PTPRD: variants seen among roughly 807,000 people sequenced by gnomAD.
The protein encoded by PTPRD is receptor-type tyrosine-protein phosphatase delta.
PTPRD carries 34 observed loss-of-function variants against 214.5 expected under a neutral mutation model. The observed-to-expected ratio is 0.16, with a 90% CI of 0.12 to 0.21. The LOEUF is 0.21. Among genes scored for constraint, PTPRD ranks in the 10% least tolerant of loss-of-function variants. The pLI is 1.00. For missense variants in PTPRD, 2,545 were observed against 2,398.7 expected (o/e 1.06, Z -1.27); for synonymous variants, 1,128 against 845.7 (o/e 1.33, Z -5.79).
At chr9:8,781,014 T>C (rs2095671134) in intron 11 of PTPRD, among the ~76,000 whole-genome samples, 2 of 152,142 alleles carry the variant, frequency 1.3e-5, no homozygotes, top group African/African-American at 4.8e-5. Context: ...GAAGAAATCT[T>C]CTCTTTAGGT....
intron 3 of PTPRD, among the ~76,000 whole-genome samples, chr9:10,279,742 G>T (rs1274100596): frequency 1.3e-5 from 2 of 151,452 alleles, no homozygotes. Context: ...CTGAGCGACA[G>T]TTAAAATGTC....
chr9:10,466,484 G>A (rs1328029549), intron 2 of PTPRD, among the ~76,000 whole-genome samples: 12 of 151,780 alleles, frequency 7.9e-5, no homozygotes, highest in African/African-American at 2.4e-4. Flanking sequence ...TTGACCAGGC[G>A]TGGTGGCGCA....
chr9:9,768,461 C>T (rs924421998), intron 5 of PTPRD, among the ~76,000 whole-genome samples: 3 of 152,092 alleles, frequency 2.0e-5, no homozygotes, highest in African/African-American at 7.2e-5. Flanking sequence ...AAAACCTTAG[C>T]TTATGTTTCA....
At chr9:9,788,839 A>C (rs1314373171) in intron 5 of PTPRD, among the ~76,000 whole-genome samples, 1 of 152,146 alleles carries the variant, frequency 6.6e-6, no homozygotes, top group Non-Finnish European at 1.5e-5. Flanking sequence ...AAGTGTTTAA[A>C]CAACTATCTA....
chr9:8,523,424 A>T, intron 19 of PTPRD, 89 bp downstream of exon 19: 1 of 1,453,690 alleles, frequency 6.9e-7, no homozygotes. Flanking sequence ...GAAGAACACA[A>T]TGCAGCTACA....
intron 11 of PTPRD, among the ~76,000 whole-genome samples, chr9:8,843,300 A>T (rs2097602817): frequency 6.6e-6 from 1 of 152,208 alleles, no homozygotes; most frequent in South Asian, 2.1e-4. Flanking sequence ...TCTGTTATCA[A>T]TTCACTTTCC....
chr9:9,523,297 T>C (rs980940972), intron 8 of PTPRD, among the ~76,000 whole-genome samples: 5 of 152,156 alleles, frequency 3.3e-5, no homozygotes, highest in Admixed American at 1.3e-4. Context: ...TCCTGTACAC[T>C]ATTGGAAAAA....
intron 4 of PTPRD, among the ~76,000 whole-genome samples, chr9:9,981,458 C>T (rs2095541008): frequency 6.6e-6 from 1 of 151,390 alleles, no homozygotes; most frequent in Admixed American, 6.6e-5. Flanking sequence ...GGGTTCAAGC[C>T]ATTCTCCTGC....
intron 33 of PTPRD, among the ~76,000 whole-genome samples, chr9:8,455,932 C>A (rs781144460): frequency 1.2e-4 from 19 of 152,048 alleles, no homozygotes; most frequent in Admixed American, 3.9e-4. Context: ...GTCAGCCTCA[C>A]CATACACCTG....
At chr9:8,628,780 T>C (rs1469389049) in intron 14 of PTPRD, among the ~76,000 whole-genome samples, 1 of 151,886 alleles carries the variant, frequency 6.6e-6, no homozygotes, top group South Asian at 2.1e-4. Context: ...ACAAATAATA[T>C]ATTTATATGT....
At chr9:9,677,403 G>T (rs548814533) in intron 7 of PTPRD, among the ~76,000 whole-genome samples, 1 of 152,174 alleles carries the variant, frequency 6.6e-6, no homozygotes, top group East Asian at 1.9e-4. Flanking sequence ...GGGATGCAAG[G>T]CTGGTTCAAC....
chr9:9,990,698 G>C (rs900348410), intron 4 of PTPRD, among the ~76,000 whole-genome samples: 7 of 152,316 alleles, frequency 4.6e-5, no homozygotes, highest in African/African-American at 1.7e-4. Flanking sequence ...CAGCCCTGTT[G>C]CATTGATTTT....
At chr9:10,607,740 A>G (rs1360545572) in intron 2 of PTPRD, among the ~76,000 whole-genome samples, 2 of 152,032 alleles carry the variant, frequency 1.3e-5, no homozygotes, top group Non-Finnish European at 2.9e-5. Flanking sequence ...ATTATAATGA[A>G]AAATAAATTA....
intron 44 of PTPRD, among the ~76,000 whole-genome samples, chr9:8,323,297 T>C (rs1376317677): frequency 6.6e-6 from 1 of 152,210 alleles, no homozygotes; most frequent in African/African-American, 2.4e-5. Context: ...GAACACAATA[T>C]TGATTCTGCA....
intron 7 of PTPRD, among the ~76,000 whole-genome samples, chr9:9,633,114 G>A (rs1372146551): frequency 5.9e-5 from 9 of 152,078 alleles, no homozygotes; most frequent in East Asian, 1.9e-4. Context: ...GGCCAACATG[G>A]TGAAATCCTG....
intron 11 of PTPRD, among the ~76,000 whole-genome samples, chr9:8,740,572 A>G (rs1319748511): frequency 6.6e-6 from 1 of 152,230 alleles, no homozygotes; most frequent in Non-Finnish European, 1.5e-5. Context: ...TAAAACTATG[A>G]AAAACAACCA....
At chr9:9,076,804 T>TG (rs2099751901) in intron 10 of PTPRD, among the ~76,000 whole-genome samples, 1 of 151,768 alleles carries the variant, frequency 6.6e-6, no homozygotes, top group Non-Finnish European at 1.5e-5. Flanking sequence ...TTTTTTTTTT[T>TG]TTGGTTATAT....
chr9:9,352,073 G>A (rs2138260707), intron 9 of PTPRD, among the ~76,000 whole-genome samples: 1 of 151,948 alleles, frequency 6.6e-6, no homozygotes, highest in East Asian at 1.9e-4. Flanking sequence ...TTCCCAAAGT[G>A]CTGGGATTAC....
chr9:9,714,228 C>T (rs377149450), intron 7 of PTPRD, among the ~76,000 whole-genome samples: 104 of 152,198 alleles, frequency 6.8e-4, no homozygotes, highest in African/African-American at 2.4e-3. Context: ...GGGGCTATAG[C>T]ACATGTTGTC....
Sources: gnomAD v4.1 joint callset for allele counts (sites outside exome capture counted in the v4.1 genomes callset) on GRCh38, gnomAD v4.1.1 for gene constraint, MANE v1.5 for transcripts, NCBI Gene and HGNC (gene_info 2026-07-23, HGNC 2026-07-21) for gene names.